Variants in CRHBP observed in about 807,000 individuals in gnomAD.
The protein encoded by CRHBP is corticotropin releasing hormone binding protein.
In CRHBP, 19 loss-of-function variants were observed where a neutral mutation model predicts 34.9. The observed-to-expected ratio is 0.55, with a 90% confidence interval of 0.38 to 0.80. The LOEUF (loss-of-function observed/expected upper bound fraction) is 0.80. Ranked by LOEUF, CRHBP falls within the 30% of genes least tolerant of loss-of-function variation. CRHBP has a pLI of 0.00. For missense variants in CRHBP, 328 were observed against 409.2 expected, an observed-to-expected ratio of 0.80 and a Z score of 1.71; for synonymous variants, 154 against 153.4, an observed-to-expected ratio of 1.00 and a Z score of -0.03.
intron 6 of CRHBP, among the ~76,000 whole-genome samples, chr5:76,964,034 A>G (rs1745822375): frequency 6.6e-6 from 1 of 152,188 alleles, no homozygotes. Flanking sequence ...CAGTAATAGA[A>G]GACTGGTTTA....
chr5:76,966,870 G>A (rs1745867299), intron 6 of CRHBP, among the ~76,000 whole-genome samples: 2 of 152,168 alleles, frequency 1.3e-5, no homozygotes, highest in Admixed American at 1.3e-4. Flanking sequence ...TAAATAATAA[G>A]TAAAGAAAAT....
At chr5:76,967,595 T>G (rs1186681367) in intron 6 of CRHBP, among the ~76,000 whole-genome samples, 1 of 151,826 alleles carries the variant, frequency 6.6e-6, no homozygotes, top group African/African-American at 2.4e-5. Context: ...ATAGAATAAA[T>G]AAAAGGAAAG....
chr5:76,978,986 C>T lies in CRHBP; in HGVS notation n.468-1975C>T, dbSNP rs1465018430. 3.9e-5 allele frequency among the ~76,000 whole-genome samples: 6 copies of T among 152,168 alleles called. No homozygotes were observed. The South Asian group carries it at 1.0e-3, about 26-fold the overall frequency. On this transcript the variant is annotated intron_variant and non_coding_transcript_variant, in intron 3 of 3. Coordinates refer to the CRHBP transcript ENST00000514258. Reference sequence around the variant, plus strand: ...TTAATGTGGCAAACTCCATTGATGTCTTATTTTAGGAAATTGCCACAGCTG... The same window carrying T: ...TTAATGTGGCAAACTCCATTGATGTTTTATTTTAGGAAATTGCCACAGCTG...
intron 6 of CRHBP, among the ~76,000 whole-genome samples, chr5:76,964,875 A>AAT (rs976123049): frequency 6.6e-6 from 1 of 151,628 alleles, no homozygotes; most frequent in Admixed American, 6.6e-5. Context: ...TGTCTCAAAA[A>AAT]ATATATATAT....
At chr5:76,953,243 CACCT>C in intron 1 of CRHBP, 28 bp downstream of exon 1, 1 of 1,604,890 alleles carries the variant, frequency 6.2e-7, no homozygotes, top group African/African-American at 1.3e-5. Flanking sequence ...TGACCCATCT[CACCT>C]TCCTTGCGTG....
intron 6 of CRHBP, among the ~76,000 whole-genome samples, chr5:76,966,508 G>A (rs575673290): frequency 3.3e-5 from 5 of 152,252 alleles, no homozygotes; most frequent in East Asian, 3.9e-4. Context: ...TTGATCCGTC[G>A]CTACTTGGGC....
At chr5:76,972,306 C>T (rs1745959139), downstream of CRHBP, among the ~76,000 whole-genome samples, 1 of 152,004 alleles carries the variant, frequency 6.6e-6, no homozygotes, top group Non-Finnish European at 1.5e-5. Context: ...TCGAGATCAG[C>T]CTGATCAGCA....
intron 3 of CRHBP, among the ~76,000 whole-genome samples, chr5:76,978,025 C>T (rs1409775609): frequency 1.3e-5 from 2 of 152,176 alleles, no homozygotes; most frequent in East Asian, 1.9e-4. Flanking sequence ...TAATCCAGAG[C>T]AAGGCCCTAA....
At chr5:76,970,755 T>G (rs1040352722), downstream of CRHBP, among the ~76,000 whole-genome samples, 1 of 152,196 alleles carries the variant, frequency 6.6e-6, no homozygotes, top group African/African-American at 2.4e-5. Context: ...CTGAGTAAAA[T>G]ACACTTTTCT....
At chr5:76,978,600 G>A (rs1444291608) in intron 3 of CRHBP, among the ~76,000 whole-genome samples, 1 of 152,192 alleles carries the variant, frequency 6.6e-6, no homozygotes, top group African/African-American at 2.4e-5. Context: ...CAAGAGCTCT[G>A]AGGGAAATGT....
At chr5:76,964,117 C>A (rs187417066) in intron 6 of CRHBP, among the ~76,000 whole-genome samples, 1 of 152,080 alleles carries the variant, frequency 6.6e-6, no homozygotes, top group Non-Finnish European at 1.5e-5. Context: ...TTTTTATGCT[C>A]ATGTCAGGTG....
intron 5 of CRHBP, among the ~76,000 whole-genome samples, chr5:76,961,966 C>G (rs2150707353): frequency 6.6e-6 from 1 of 152,242 alleles, no homozygotes; most frequent in Non-Finnish European, 1.5e-5. Flanking sequence ...GTTGGCCAGG[C>G]TGGTCTCGAA....
intron 5 of CRHBP, chr5:76,963,119 C>T (rs1745805048): frequency 2.0e-6 from 1 of 494,470 alleles, no homozygotes; most frequent in Admixed American, 3.5e-5. Context: ...CATGTACACA[C>T]ATTTCTAAAA....
At chr5:76,957,569 A>G (rs1745703090) in intron 4 of CRHBP, among the ~76,000 whole-genome samples, 1 of 152,052 alleles carries the variant, frequency 6.6e-6, no homozygotes, top group South Asian at 2.1e-4. Context: ...TGTTTTTAGT[A>G]GAGACAGAGT....
intron 3 of CRHBP, among the ~76,000 whole-genome samples, chr5:76,979,009 C>T (rs1401568908): frequency 3.9e-5 from 6 of 152,232 alleles, no homozygotes; most frequent in Non-Finnish European, 8.8e-5. Flanking sequence ...ATTGCCACAG[C>T]TGTTCCAGCT....
At chr5:76,968,193 TG>T (rs974132867) in intron 6 of CRHBP, among the ~76,000 whole-genome samples, 71 of 130,652 alleles carry the variant, frequency 5.4e-4, no homozygotes, top group African/African-American at 2.2e-3. Context: ...GATAAACAGG[TG>T]TTTTTTTTTG....
Position 76,968,613 on chromosome 5 carries a change from T to A in CRHBP, c.812-115T>A, listed in dbSNP as rs1379860249. ...ATAGTAGATGCATGGTTTGGGTACA[T>A]GAGAGGAAGATAGGTCTCCTTGCTT... On this transcript the variant is annotated intron_variant, in intron 6 of 6. Transcript: ENST00000274368. The A allele has an allele frequency of 4.0e-6, 4 of 1,007,038 alleles. No homozygotes were observed. In the South Asian group the frequency reaches 5.6e-5, roughly 14 times the overall value. The allele number at this position is 1,007,038 out of a possible 1,614,324, so 62.4% of individuals were successfully genotyped here.
chr5:76,954,098 C>T lies in CRHBP; in HGVS notation c.245C>T (p.Ala82Val). ...GCCGACCGGCCGCAGCTGCACTGCG[C>T]AGCCTTCTTCATCAGCGAGCCCGAG... is the stretch of plus-strand genomic sequence containing the variant. ...FTADRPQLHCAAFFISEPEEF... is the reference protein window; with the variant it reads ...FTADRPQLHCVAFFISEPEEF... The change falls in exon 3 of 7, where the codon GCA becomes GTA. Residue 82 changes from alanine (A) to valine (V), a missense_variant. Coordinates refer to ENST00000274368, the MANE Select transcript of CRHBP (RefSeq NM_001882.4). 2 of 1,614,066 alleles carry T rather than the reference C, an allele frequency of 1.2e-6. No individual in the cohort carries two copies. Among genetic ancestry groups the T allele is most frequent in the Non-Finnish European group, 8.5e-7 (1 of 1,179,964 alleles).
intron 6 of CRHBP, among the ~76,000 whole-genome samples, chr5:76,966,094 C>T (rs1254350521): frequency 6.6e-6 from 1 of 152,158 alleles, no homozygotes; most frequent in African/African-American, 2.4e-5. Flanking sequence ...TCTCGGCTCA[C>T]CGCAACCTCC....
Sources: allele counts gnomAD v4.1 joint callset (sites outside exome capture counted in the v4.1 genomes callset), GRCh38; gene constraint gnomAD v4.1.1; transcripts MANE v1.5; gene names NCBI Gene and HGNC (gene_info 2026-07-23, HGNC 2026-07-21).